NUP155: variants seen among roughly 807,000 people sequenced by gnomAD.
NUP155 encodes nucleoporin 155, also known as nuclear pore complex protein Nup155.
NUP155 carries 71 observed loss-of-function variants against 180.4 expected under a neutral mutation model. That is an observed-to-expected ratio of 0.39 (90% CI 0.33 to 0.48). The LOEUF (loss-of-function observed/expected upper bound fraction) is 0.48. Ranked by LOEUF, NUP155 falls within the 20% of genes least tolerant of loss-of-function variation. The probability of loss-of-function intolerance (pLI) is 0.91; values close to 1 mark genes in which losing one functional copy is unlikely to be tolerated. For missense variants in NUP155, 1,553 were observed against 1,648.9 expected, an observed-to-expected ratio of 0.94 and a Z score of 1.01; for synonymous variants, 582 against 559.5, an observed-to-expected ratio of 1.04 and a Z score of -0.57.
rs374135416 is a variant in NUP155, at chr5:37,303,355, T to C, written c.3222A>G (p.Arg1074=). Residue 1074 remains arginine, a synonymous_variant, in exon 28 of 35, where the codon AGA becomes AGG. Coordinates refer to ENST00000231498, the MANE Select transcript of NUP155 (RefSeq NM_153485.3). ...GCCAGAGTAAATCCATATAACGAACTCTGTTTTGATCAACTTTGGCCATTC... is the reference window on the plus strand; with the variant it reads ...GCCAGAGTAAATCCATATAACGAACCCTGTTTTGATCAACTTTGGCCATTC... ...LVRMAKVDQN[R]VRYMDLLWRY... 5 of 1,613,952 alleles carry C rather than the reference T, an allele frequency of 3.1e-6. No individual in the cohort carries two copies. The African/African-American group carries it at 6.7e-5, about 22-fold the overall frequency.
rs776897685 is a variant in NUP155, at chr5:37,348,590, C to A, written c.910G>T (p.Asp304Tyr). Reference sequence around the variant, plus strand: ...ATTCCTTGTCCATCTTGTCCCAAATCATACACCTGTGAATACAAAATCATT... The same window carrying A: ...ATTCCTTGTCCATCTTGTCCCAAATAATACACCTGTGAATACAAAATCATT... ...RSEKGVIQVYDLGQDGQGMSR... is the reference protein window; with the variant it reads ...RSEKGVIQVYYLGQDGQGMSR... The change falls in exon 9 of 35, where the codon GAT (aspartate) becomes TAT (tyrosine). Residue 304 changes from aspartate to tyrosine, a missense_variant. Physicochemically the swap from Asp to Tyr is radical, Grantham distance 160. Transcript: ENST00000231498. The A allele has an allele frequency of 6.3e-7, 1 of 1,593,628 alleles. No individual in the cohort carries two copies. The highest frequency in any genetic ancestry group is 1.1e-5 in the South Asian group (1 of 90,648).
rs1340818123 is a variant in NUP155 at position 37,291,821 on chromosome 5, A to C, written c.*79T>G. ...ATTAAGATTGTTCTTACATTCTTAG[A>C]TTTAGAACACCTGATATCTGGACCC... On this transcript the variant is annotated 3_prime_UTR_variant, in exon 35 of 35. Transcript: ENST00000231498. 2.3e-6 allele frequency: 3 copies of C among 1,323,048 alleles called. No homozygotes were observed. Among genetic ancestry groups the C allele is most frequent in the Admixed American group, 3.4e-5 (2 of 58,774 alleles). The allele number at this position is 1,323,048 out of a possible 1,614,324, so 82.0% of individuals were successfully genotyped here. A position where few individuals can be genotyped will look rare whatever the true frequency, so the allele number is the denominator to read the frequency against.
Position 37,315,061 on chromosome 5 carries a change from A to C in NUP155, c.2306-733T>G, listed in dbSNP as rs375725698. On this transcript the variant is annotated intron_variant, in intron 21 of 34. Coordinates refer to ENST00000231498, the MANE Select transcript of NUP155 (RefSeq NM_153485.3). ...GGCCTGGCCAAAGTGGCAAAACCTC[A>C]TCTCTACTGAAAACACAAAAACTAG... is the stretch of plus-strand genomic sequence containing the variant. Among the ~76,000 whole-genome samples the C allele has an allele frequency of 7.2e-5, 11 of 152,022 alleles. No individual in the cohort carries two copies. In the East Asian group the frequency reaches 1.6e-3, roughly 22 times the overall value.
chr5:37,352,739 G>T lies in NUP155; in HGVS notation c.554C>A (p.Thr185Lys). 1 of 1,609,686 alleles carries T rather than the reference G, an allele frequency of 6.2e-7. No individual in the cohort carries two copies. The highest frequency in any genetic ancestry group is 8.5e-7 in the Non-Finnish European group (1 of 1,176,180). The stretch of plus-strand genomic sequence containing the variant: ...CGTTAACATGTGGGTTGCCATACCT[G>T]TTTGCAAATTAGCATAGCTGAGTCC... ...ILGLSYANLQ[T>K]GSGVLNDSLS... Residue 185 changes from threonine to lysine, a missense_variant and splice_region_variant, in exon 5 of 35, where the codon ACA becomes AAA. Transcript: ENST00000231498.
intron 20 of NUP155, among the ~76,000 whole-genome samples, chr5:37,319,158 A>T: frequency 6.6e-6 from 1 of 152,218 alleles, no homozygotes; most frequent in Non-Finnish European, 1.5e-5. Flanking sequence ...CTACAGAGAT[A>T]GAGCAGATCA....
At chr5:37,333,841 G>C (rs1410463497) in intron 12 of NUP155, among the ~76,000 whole-genome samples, 3 of 150,032 alleles carry the variant, frequency 2.0e-5, no homozygotes, top group African/African-American at 7.4e-5. Flanking sequence ...AGACGAAGTT[G>C]TCTAGGCTGG....
At chr5:37,347,908 G>C (rs528581167) in intron 9 of NUP155, among the ~76,000 whole-genome samples, 6 of 151,906 alleles carry the variant, frequency 3.9e-5, no homozygotes, top group African/African-American at 1.5e-4. Context: ...AGGTTGAGGC[G>C]GGCGGATCAC....
chr5:37,339,748 T>A (rs991850999), intron 11 of NUP155, among the ~76,000 whole-genome samples: 1 of 152,140 alleles, frequency 6.6e-6, no homozygotes, highest in Non-Finnish European at 1.5e-5. Flanking sequence ...CCAACCTCAC[T>A]TTTTTGTGTG....
intron 14 of NUP155, among the ~76,000 whole-genome samples, chr5:37,330,598 T>A (rs1744892550): frequency 6.6e-6 from 1 of 152,196 alleles, no homozygotes; most frequent in Non-Finnish European, 1.5e-5. Flanking sequence ...ACACAGGTGC[T>A]TTGAATCCAG....
intron 30 of NUP155, among the ~76,000 whole-genome samples, chr5:37,300,403 C>T (rs1379888745): frequency 1.3e-5 from 2 of 152,136 alleles, no homozygotes; most frequent in African/African-American, 4.8e-5. Context: ...TTAACCATCC[C>T]CACCTTCCCT....
intron 3 of NUP155, among the ~76,000 whole-genome samples, chr5:37,359,669 T>C (rs994013964): frequency 6.6e-6 from 1 of 152,172 alleles, no homozygotes; most frequent in East Asian, 1.9e-4. Context: ...TGTCTTAACA[T>C]GATTTCTGGC....
At chr5:37,293,503 T>C (rs190725320) in intron 33 of NUP155, among the ~76,000 whole-genome samples, 1 of 152,352 alleles carries the variant, frequency 6.6e-6, no homozygotes, top group African/African-American at 2.4e-5. Flanking sequence ...CACAGGCTAA[T>C]GTTGTAAAGC....
chr5:37,324,988 A>T (rs1744493437), intron 19 of NUP155, among the ~76,000 whole-genome samples: 1 of 152,212 alleles, frequency 6.6e-6, no homozygotes, highest in Non-Finnish European at 1.5e-5. Flanking sequence ...TGTTTCTACT[A>T]AAAATACAAA....
chr5:37,344,448 C>A (rs1745944117), intron 9 of NUP155, among the ~76,000 whole-genome samples: 1 of 147,216 alleles, frequency 6.8e-6, no homozygotes, highest in Admixed American at 6.8e-5. Flanking sequence ...AAGATATATT[C>A]AGAAATTTGT....
intron 12 of NUP155, among the ~76,000 whole-genome samples, chr5:37,335,380 G>GAAAA (rs5867345): frequency 8.6e-6 from 1 of 116,630 alleles, no homozygotes; most frequent in African/African-American, 3.7e-5. Flanking sequence ...CCCTGTCTCA[G>GAAAA]AAAAAAAAAA....
chr5:37,337,978 T>A (rs986288495), intron 11 of NUP155, 60 bp from the exon 12 acceptor site: 7 of 1,025,388 alleles, frequency 6.8e-6, no homozygotes, highest in African/African-American at 4.8e-5. Flanking sequence ...CTCAATAACC[T>A]TAATAATTAT....
At chr5:37,366,314 G>T (rs919367223) in intron 1 of NUP155, among the ~76,000 whole-genome samples, 1 of 152,108 alleles carries the variant, frequency 6.6e-6, no homozygotes, top group Non-Finnish European at 1.5e-5. Context: ...GTGTATTATG[G>T]AAATTTTTAA....
intron 1 of NUP155, among the ~76,000 whole-genome samples, chr5:37,365,741 AT>A (rs1747533457): frequency 1.8e-5 from 1 of 56,930 alleles, no homozygotes; most frequent in African/African-American, 4.9e-5. Flanking sequence ...AAAAAAAAAT[AT>A]ATATATATAT....
intron 20 of NUP155, among the ~76,000 whole-genome samples, chr5:37,320,955 T>C (rs1041996854): frequency 6.6e-6 from 1 of 152,156 alleles, no homozygotes; most frequent in African/African-American, 2.4e-5. Context: ...AATTGGTGTT[T>C]AAGGTAGAGA....
Sources: allele counts gnomAD v4.1 joint callset (sites outside exome capture counted in the v4.1 genomes callset), GRCh38; gene constraint gnomAD v4.1.1; transcripts MANE v1.5; gene names NCBI Gene and HGNC (gene_info 2026-07-23, HGNC 2026-07-21).